PLK1: variants seen among roughly 807,000 people sequenced by gnomAD.
PLK1 encodes serine/threonine-protein kinase PLK1.
A neutral mutation model predicts 56.7 loss-of-function variants in PLK1; 6 were observed. The observed-to-expected ratio is 0.11, with a 90% CI of 0.06 to 0.21. PLK1 has a LOEUF of 0.21. Among genes scored for constraint, PLK1 ranks in the 10% least tolerant of loss-of-function variants. The pLI, the probability that PLK1 is intolerant of heterozygous loss-of-function variation, is 1.00. For synonymous variants in PLK1, 298 were observed against 325.0 expected (o/e 0.92, Z 0.89); for missense variants, 546 against 814.4 (o/e 0.67, Z 4.01).
intron 5 of PLK1, among the ~76,000 whole-genome samples, chr16:23,686,413 A>G (rs1959428365): frequency 6.6e-6 from 1 of 152,240 alleles, no homozygotes; most frequent in South Asian, 2.1e-4. Flanking sequence ...TTTACTAGTT[A>G]TCAACATTTG....
In PLK1 at chr16:23,682,126, G is replaced by T. The variant is rs1351133950; in HGVS notation, c.785G>T (p.Arg262Leu). ...TCTTGCCTAAAAGAGACCTACCTCC[G>T]GATCAAGAAGAATGAATACAGTATT... ...ETSCLKETYL[R>L]IKKNEYSIPK... The change falls in exon 4 of 10, where the codon CGG becomes CTG. Residue 262 changes from arginine (R) to leucine (L), a missense_variant. Arg to Leu is a moderately radical substitution (Grantham distance 102). This residue lies in a region of PLK1 where 21 missense variants were observed against 58.4 expected (regional missense o/e 0.36). Transcript: ENST00000300093. 1.4e-5 allele frequency: 23 copies of T among 1,597,454 alleles called. No homozygotes were observed. Among genetic ancestry groups the T allele is most frequent in the Non-Finnish European group, 1.8e-5 (21 of 1,164,920 alleles).
Position 23,690,230 on chromosome 16 carries a change from G to T in PLK1, c.*167G>T. 1 of 627,292 alleles carries T rather than the reference G, an allele frequency of 1.6e-6. No homozygotes were observed. Among genetic ancestry groups the T allele is most frequent in the Non-Finnish European group, 2.9e-6 (1 of 349,254 alleles). 38.9% of individuals were successfully genotyped at this position (627,292 alleles called of 1,614,324 possible). A position where few individuals can be genotyped will look rare whatever the true frequency, so the allele number is the denominator to read the frequency against. On this transcript the variant is annotated 3_prime_UTR_variant, in exon 10 of 10. Transcript: ENST00000300093. Reference sequence around the variant, plus strand: ...GGGGGTTGCTGTATAAGTTATTTTTGTACATGTTCGGGTGTGGGTTCTACA... The same window carrying T: ...GGGGGTTGCTGTATAAGTTATTTTTTTACATGTTCGGGTGTGGGTTCTACA...
chr16:23,681,172 T>G lies in PLK1; in HGVS notation c.722+114T>G, dbSNP rs1959325429. 3.4e-6 allele frequency: 3 copies of G among 892,304 alleles called. No individual in the cohort carries two copies. The South Asian group carries it at 4.4e-5, about 13-fold the overall frequency. The allele number at this position is 892,304 out of a possible 1,614,324, so 55.3% of individuals were successfully genotyped here. On this transcript the variant is annotated intron_variant, in intron 3 of 9. Coordinates refer to ENST00000300093, the MANE Select transcript of PLK1 (RefSeq NM_005030.6). Reference sequence around the variant, plus strand: ...TCGGCCTGCTTTACAGAAAGCCTACTCCAAGGGACAAGTCATCCCCAAACA... The same window carrying G: ...TCGGCCTGCTTTACAGAAAGCCTACGCCAAGGGACAAGTCATCCCCAAACA...
chr16:23,679,264 A>G lies in PLK1; in HGVS notation c.332A>G (p.Gln111Arg). The change falls in exon 1 of 10, where the codon CAG becomes CGG. Residue 111 changes from glutamine (Q) to arginine (R), a missense_variant. Gln to Arg is a conservative substitution (Grantham distance 43). This residue lies in a region of PLK1 where 111 missense variants were observed against 211.8 expected (regional missense o/e 0.52). Transcript: ENST00000300093. ...EISIHRSLAHQHVVGFHGFFE... is the reference protein window; with the variant it reads ...EISIHRSLAHRHVVGFHGFFE... ...TCCATTCACCGCAGCCTCGCCCACC[A>G]GCACGTCGTAGGATTCCACGGCTTT... 3 of 1,614,108 alleles carry G rather than the reference A, an allele frequency of 1.9e-6. No individual in the cohort carries two copies. Among genetic ancestry groups the G allele is most frequent in the Non-Finnish European group, 2.5e-6 (3 of 1,180,030 alleles).
In PLK1 at chr16:23,679,350, G is replaced by A. The variant is rs200448904; in HGVS notation, c.408+10G>A. 2 of 1,604,932 alleles carry A rather than the reference G, an allele frequency of 1.2e-6. No homozygotes were observed. The highest frequency in any genetic ancestry group is 2.7e-5 in the African/African-American group (2 of 74,830). ...GCTCTGCCGCCGGAGGGTGAGTGTC[G>A]CTGCTGGGGAACTGGAACTGCCTGC... On this transcript the variant is annotated intron_variant, in intron 1 of 9. Transcript: ENST00000300093.
intron 6 of PLK1, 81 bp from the exon 7 acceptor site, chr16:23,688,587 C>A: frequency 8.8e-7 from 1 of 1,142,536 alleles, no homozygotes; most frequent in Non-Finnish European, 1.3e-6. Flanking sequence ...CTTCCCTGTT[C>A]CCTGGTGTGG....
At chr16:23,685,808 A>G (rs1258840462) in intron 5 of PLK1, among the ~76,000 whole-genome samples, 1 of 151,364 alleles carries the variant, frequency 6.6e-6, no homozygotes, top group Admixed American at 6.6e-5. Context: ...TCGGCCTCCC[A>G]AAGTGTTAGG....
At chr16:23,685,143 A>G (rs1429058394) in intron 5 of PLK1, among the ~76,000 whole-genome samples, 1 of 150,552 alleles carries the variant, frequency 6.6e-6, no homozygotes, top group Non-Finnish European at 1.5e-5. Context: ...ACTTCAGTTC[A>G]TTTTTCAGTT....
At chr16:23,683,008 T>G (rs1318769202) in intron 4 of PLK1, among the ~76,000 whole-genome samples, 4 of 140,896 alleles carry the variant, frequency 2.8e-5, no homozygotes, top group Admixed American at 7.4e-5. Flanking sequence ...TTTTTTTTTT[T>G]GAGATGGAGT....
At chr16:23,685,447 TA>T (rs1268543997) in intron 5 of PLK1, among the ~76,000 whole-genome samples, 1 of 152,016 alleles carries the variant, frequency 6.6e-6, no homozygotes, top group Non-Finnish European at 1.5e-5. Context: ...CCCAGCTAAT[TA>T]AAAAATTTTT....
chr16:23,688,580 C>T, intron 6 of PLK1, 88 bp from the exon 7 acceptor site: 2 of 1,082,932 alleles, frequency 1.8e-6, no homozygotes, highest in East Asian at 2.4e-5. Flanking sequence ...CAGCAGGCTT[C>T]CCTGTTCCCT....
At position 23,689,440 on chromosome 16, in the gene PLK1, T is replaced by G; in HGVS notation, c.1425+48T>G. 1 of 1,598,068 alleles carries G rather than the reference T, an allele frequency of 6.3e-7. No individual in the cohort carries two copies. Among genetic ancestry groups the G allele is most frequent in the Non-Finnish European group, 8.6e-7 (1 of 1,166,534 alleles). ...GGGGTGGTGTTGCAGAAGTGGGACC[T>G]GTGCTGGAGGATCAGACTCTAATTC... On this transcript the variant is annotated intron_variant, in intron 8 of 9. Transcript: ENST00000300093. The surrounding 1 kb of genome is among the most constrained non-coding windows in gnomAD (Gnocchi z 4.8).
chr16:23,689,831 C>T lies in PLK1; in HGVS notation c.1609-29C>T, dbSNP rs199879653. ...CCTAACATACACTGGCCTCTGGGAT[C>T]GCCAACCCCTGCTGCTCTTCTCTTG... On this transcript the variant is annotated intron_variant, in intron 9 of 9. Coordinates refer to ENST00000300093, the MANE Select transcript of PLK1 (RefSeq NM_005030.6). The surrounding 1 kb of genome is among the most constrained non-coding windows in gnomAD (Gnocchi z 4.8). The T allele has an allele frequency of 4.2e-5, 67 of 1,599,302 alleles. No homozygotes were observed. The highest frequency in any genetic ancestry group is 1.7e-4 in the Admixed American group (10 of 59,884).
chr16:23,680,355 G>C (rs910671446), intron 2 of PLK1, 103 bp downstream of exon 2: 3 of 830,158 alleles, frequency 3.6e-6, no homozygotes, highest in Admixed American at 4.7e-5. Flanking sequence ...TCAGTATCTT[G>C]CCTACAGATG....
intron 4 of PLK1, among the ~76,000 whole-genome samples, chr16:23,682,758 C>T (rs1299428807): frequency 2.0e-5 from 3 of 150,940 alleles, no homozygotes; most frequent in African/African-American, 7.3e-5. Context: ...TCTCGAACTC[C>T]TGACCTCAGG....
chr16:23,689,218 C>T lies in PLK1; in HGVS notation c.1271-20C>T, dbSNP rs1461550775. On this transcript the variant is annotated intron_variant, in intron 7 of 9. Transcript: ENST00000300093. The surrounding 1 kb of genome is among the most constrained non-coding windows in gnomAD (Gnocchi z 4.8). Reference sequence around the variant, plus strand: ...ACTTTCTATTCCCCCTTTCTGAGACCTCTCTCCACCGATCCCTAGGGTATC... The same window carrying T: ...ACTTTCTATTCCCCCTTTCTGAGACTTCTCTCCACCGATCCCTAGGGTATC... 22 of 1,592,932 alleles carry T rather than the reference C, an allele frequency of 1.4e-5. No homozygotes were observed. Among genetic ancestry groups the T allele is most frequent in the Non-Finnish European group, 1.5e-5 (18 of 1,163,356 alleles).
intron 5 of PLK1, among the ~76,000 whole-genome samples, chr16:23,685,949 AT>A (rs1235751844): frequency 6.6e-6 from 1 of 151,960 alleles, no homozygotes; most frequent in Non-Finnish European, 1.5e-5. Flanking sequence ...TCTCCGATTG[AT>A]TTATTTATTT....
chr16:23,686,238 C>T (rs923403998), intron 5 of PLK1, among the ~76,000 whole-genome samples: 6 of 152,126 alleles, frequency 3.9e-5, no homozygotes, highest in Admixed American at 6.5e-5. Context: ...GAGGTCTTGC[C>T]CACACTGGTC....
chr16:23,688,893 G>T, intron 7 of PLK1, 148 bp downstream of exon 7: 1 of 658,618 alleles, frequency 1.5e-6, no homozygotes. Flanking sequence ...AGCTCCCAGT[G>T]CTCCCTGACT....
Sources: allele counts gnomAD v4.1 joint callset (sites outside exome capture counted in the v4.1 genomes callset), GRCh38; gene constraint gnomAD v4.1.1; regional missense constraint gnomAD v4.1.1; non-coding constraint Gnocchi (gnomAD v3.1); transcripts MANE v1.5; gene names NCBI Gene and HGNC (gene_info 2026-07-23, HGNC 2026-07-21).